COL9A1: variants seen among roughly 807,000 people sequenced by gnomAD.
COL9A1 encodes the protein collagen alpha-1(IX) chain.
In COL9A1, 104 loss-of-function variants were observed where a neutral mutation model predicts 142.6. The observed-to-expected ratio is 0.73, with a 90% confidence interval of 0.62 to 0.86. The LOEUF (loss-of-function observed/expected upper bound fraction) is 0.86, where lower values mean the gene tolerates loss of function less well. Ranked by LOEUF, COL9A1 falls within the 40% of genes least tolerant of loss-of-function variation. The pLI is 0.00. For synonymous variants in COL9A1, 466 were observed against 396.0 expected, an observed-to-expected ratio of 1.18 and a Z score of -2.10; for missense variants, 1,210 against 1,176.6, an observed-to-expected ratio of 1.03 and a Z score of -0.42.
intron 5 of COL9A1, among the ~76,000 whole-genome samples, chr6:70,285,918 C>T (rs1392163447): frequency 4.6e-5 from 7 of 151,978 alleles, no homozygotes. Context: ...TAGATGAAGT[C>T]TCGCTCTGTT....
intron 36 of COL9A1, among the ~76,000 whole-genome samples, chr6:70,228,552 A>G (rs1769368531): frequency 6.6e-6 from 1 of 152,104 alleles, no homozygotes; most frequent in Non-Finnish European, 1.5e-5. Flanking sequence ...ATATTAAGTC[A>G]TATTTGTTAT....
intron 5 of COL9A1, among the ~76,000 whole-genome samples, chr6:70,290,617 A>C (rs528227829): frequency 3.2e-4 from 43 of 134,808 alleles, no homozygotes; most frequent in Non-Finnish European, 5.1e-4. Flanking sequence ...AAAATAGCAA[A>C]CAAGTACCAT....
intron 20 of COL9A1, 31 bp from the exon 21 acceptor site, chr6:70,256,852 T>G (rs188948433): frequency 1.2e-6 from 2 of 1,605,776 alleles, no homozygotes; most frequent in South Asian, 2.2e-5. Flanking sequence ...GGAAAAAAAC[T>G]GAGATCAGTC....
rs886138293 is a variant in COL9A1 at position 70,216,901 on chromosome 6, G to A, written c.2762C>T (p.Pro921Leu). 1 of 1,614,032 alleles carries A rather than the reference G, an allele frequency of 6.2e-7. No homozygotes were observed. Among genetic ancestry groups the A allele is most frequent in the South Asian group, 1.1e-5 (1 of 91,074 alleles). ...GQRAFNKGPD[P>L] The stretch of plus-strand genomic sequence containing the variant: ...AGCCATGCAGCAGTAAGCCTTTCAA[G>A]GGTCAGGCCCTTTGTTAAATGCTCG... The change falls in exon 38 of 38, where the codon CCT becomes CTT. Residue 921 changes from proline to leucine, a missense_variant. Transcript: ENST00000357250.
intron 20 of COL9A1, among the ~76,000 whole-genome samples, chr6:70,257,709 T>C (rs183024653): frequency 1.6e-4 from 24 of 152,274 alleles, no homozygotes; most frequent in African/African-American, 5.3e-4. Context: ...AGAGCACCAC[T>C]GCACTCCAGC....
At chr6:70,221,822 G>T (rs1029316130) in intron 37 of COL9A1, among the ~76,000 whole-genome samples, 11 of 152,182 alleles carry the variant, frequency 7.2e-5, no homozygotes, top group Non-Finnish European at 1.3e-4. Flanking sequence ...GGCAAGTTTG[G>T]TGGCAGCAGA....
intron 7 of COL9A1, 51 bp downstream of exon 7, chr6:70,282,847 C>T: frequency 6.2e-7 from 1 of 1,613,796 alleles, no homozygotes; most frequent in Non-Finnish European, 8.5e-7. Context: ...GCGCCCCGAC[C>T]TGTCCTCGTG....
At chr6:70,268,778 T>C (rs1276139283) in intron 17 of COL9A1, 26 bp downstream of exon 17, 2 of 1,606,674 alleles carry the variant, frequency 1.2e-6, no homozygotes, top group Non-Finnish European at 1.7e-6. Flanking sequence ...ATAATACTCT[T>C]AAAATACTGG....
chr6:70,253,211 T>C, intron 26 of COL9A1, 174 bp downstream of exon 26: 1 of 528,870 alleles, frequency 1.9e-6, no homozygotes, highest in Non-Finnish European at 3.4e-6. Context: ...AAGTATGCTT[T>C]CTGTAGCTAG....
At chr6:70,223,559 T>G (rs1769024065) in intron 37 of COL9A1, among the ~76,000 whole-genome samples, 1 of 152,130 alleles carries the variant, frequency 6.6e-6, no homozygotes, top group African/African-American at 2.4e-5. Context: ...CCCAAAAAGC[T>G]CATGTCAGGA....
chr6:70,294,370 G>A lies in COL9A1; in HGVS notation c.493C>T (p.Gln165Ter). The stretch of plus-strand genomic sequence containing the variant: ...GACAAATTCGAAAAGGCTGCTGTTT[G>A]GAGACTTCCATCCAGTCCCTTGTAT... ...FSYKGLDGSLQTAAFSNLSSL... is the reference protein window; with the variant it reads ...FSYKGLDGSL The change falls in exon 5 of 38, where the codon CAA (glutamine) becomes TAA (stop). Residue 165 changes from glutamine to a stop codon, truncating the protein, a stop_gained. Coordinates refer to ENST00000357250, the MANE Select transcript of COL9A1 (RefSeq NM_001851.6). LOFTEE classifies it high-confidence loss of function. The A allele has an allele frequency of 6.2e-7, 1 of 1,614,070 alleles. No homozygotes were observed. Among genetic ancestry groups the A allele is most frequent in the Non-Finnish European group, 8.5e-7 (1 of 1,179,974 alleles).
chr6:70,222,533 C>T lies in COL9A1; in HGVS notation c.2581+3399G>A, dbSNP rs377115112. Among the ~76,000 whole-genome samples the T allele has an allele frequency of 1.1e-4, 16 of 152,184 alleles. No homozygotes were observed. The East Asian group carries it at 2.3e-3, about 22-fold the overall frequency. On this transcript the variant is annotated intron_variant, in intron 37 of 37. Coordinates refer to ENST00000357250, the MANE Select transcript of COL9A1 (RefSeq NM_001851.6). ...AAGGTTATAATAATAACCTGTGTTC[C>T]ATAACAAGCAATGAGCATTATGTCC...
intron 5 of COL9A1, among the ~76,000 whole-genome samples, chr6:70,292,118 GT>G (rs1739985642): frequency 6.6e-6 from 1 of 152,204 alleles, no homozygotes; most frequent in South Asian, 2.1e-4. Flanking sequence ...TTGGTGAGAA[GT>G]TTGAATTTCA....
Position 70,266,707 on chromosome 6 carries a change from T to C in COL9A1, c.1341+10A>G, listed in dbSNP as rs565121413. 2 of 1,610,094 alleles carry C rather than the reference T, an allele frequency of 1.2e-6. No homozygotes were observed. The highest frequency in any genetic ancestry group is 1.7e-6 in the Non-Finnish European group (2 of 1,176,504). On this transcript the variant is annotated intron_variant, in intron 18 of 37. Transcript: ENST00000357250. The stretch of plus-strand genomic sequence containing the variant: ...TCACAATTTATCCACTAAATACCCA[T>C]TTTCCTTACCTTGTGTCCTTGTCTT...
chr6:70,271,144 C>T (rs113898215), intron 14 of COL9A1, among the ~76,000 whole-genome samples: 17 of 152,286 alleles, frequency 1.1e-4, no homozygotes, highest in Admixed American at 2.6e-4. Flanking sequence ...TACAATTACG[C>T]GCCTTCACAT....
intron 35 of COL9A1, among the ~76,000 whole-genome samples, chr6:70,233,997 TG>T (rs1172622081): frequency 6.6e-6 from 1 of 152,254 alleles, no homozygotes; most frequent in East Asian, 1.9e-4. Flanking sequence ...AGGTAAATTT[TG>T]ATAAGGGTTA....
At chr6:70,228,158 T>C (rs970725533) in intron 36 of COL9A1, among the ~76,000 whole-genome samples, 31 of 152,108 alleles carry the variant, frequency 2.0e-4, no homozygotes, top group Admixed American at 5.2e-4. Context: ...GTTGTTACAG[T>C]GTCTACATTT....
chr6:70,270,288 A>T, intron 15 of COL9A1, 26 bp downstream of exon 15: 2 of 1,610,114 alleles, frequency 1.2e-6, no homozygotes, highest in Non-Finnish European at 8.5e-7. Context: ...AGACACAAAC[A>T]GAAATTCAAG....
chr6:70,288,460 A>T (rs534120046), intron 5 of COL9A1, among the ~76,000 whole-genome samples: 7 of 152,288 alleles, frequency 4.6e-5, no homozygotes, highest in Non-Finnish European at 8.8e-5. Context: ...AGCCAAGGAG[A>T]TCCTTTTGAA....
Sources: gnomAD v4.1 joint callset for allele counts (sites outside exome capture counted in the v4.1 genomes callset) on GRCh38, gnomAD v4.1.1 for gene constraint, MANE v1.5 for transcripts, NCBI Gene and HGNC (gene_info 2026-07-23, HGNC 2026-07-21) for gene names.